SMAP1: variants seen among roughly 807,000 people sequenced by gnomAD.
SMAP1 encodes the protein stromal membrane-associated protein 1.
SMAP1 carries 24 observed loss-of-function variants against 58.5 expected under a neutral mutation model. The ratio of observed to expected loss-of-function variants is 0.41; its 90% CI spans 0.30 to 0.58. The LOEUF (loss-of-function observed/expected upper bound fraction) is 0.58, where lower values mean the gene tolerates loss of function less well. Among genes scored for constraint, SMAP1 ranks in the 20% least tolerant of loss-of-function variants. The probability of loss-of-function intolerance (pLI) is 0.29; values close to 1 mark genes in which losing one functional copy is unlikely to be tolerated. For synonymous variants in SMAP1, 216 were observed against 196.6 expected (o/e 1.10, Z -0.82); for missense variants, 563 against 566.3 (o/e 0.99, Z 0.06).
intron 3 of SMAP1, among the ~76,000 whole-genome samples, chr6:70,759,065 G>C (rs1766639270): frequency 6.6e-6 from 1 of 152,060 alleles, no homozygotes; most frequent in Non-Finnish European, 1.5e-5. Context: ...TGCTGGGTCA[G>C]CTTATGTTTA....
chr6:70,849,420 GTAA>G (rs1463858114), intron 7 of SMAP1, among the ~76,000 whole-genome samples: 2 of 124,748 alleles, frequency 1.6e-5, no homozygotes, highest in Admixed American at 8.6e-5. Flanking sequence ...TTTTAATATA[GTAA>G]TAATAATAAA....
chr6:70,738,531 C>T (rs1765702603), intron 2 of SMAP1, among the ~76,000 whole-genome samples: 1 of 150,300 alleles, frequency 6.7e-6, no homozygotes, highest in African/African-American at 2.4e-5. Context: ...TATGAGCTAA[C>T]TGGGTAGTCT....
At chr6:70,851,825 T>C (rs1377832871) in intron 7 of SMAP1, among the ~76,000 whole-genome samples, 1 of 152,204 alleles carries the variant, frequency 6.6e-6, no homozygotes, top group Non-Finnish European at 1.5e-5. Context: ...CCCTGTACAT[T>C]GCAGTGGCTT....
chr6:70,767,019 CTTG>C (rs1562144586), intron 3 of SMAP1, among the ~76,000 whole-genome samples: 1 of 151,954 alleles, frequency 6.6e-6, no homozygotes, highest in Non-Finnish European at 1.5e-5. Context: ...TTCCCCATTG[CTTG>C]TTTTTCTCAG....
intron 7 of SMAP1, among the ~76,000 whole-genome samples, chr6:70,843,124 G>A (rs1345797001): frequency 2.0e-5 from 3 of 151,600 alleles, no homozygotes; most frequent in Non-Finnish European, 4.4e-5. Context: ...GCTCTTTAGG[G>A]TAGAGAGTAT....
At chr6:70,737,958 A>G (rs1765677572) in intron 2 of SMAP1, among the ~76,000 whole-genome samples, 1 of 152,194 alleles carries the variant, frequency 6.6e-6, no homozygotes, top group African/African-American at 2.4e-5. Context: ...GAAAATTCCA[A>G]CGGTAATATA....
chr6:70,851,115 A>C (rs568736637), intron 7 of SMAP1, among the ~76,000 whole-genome samples: 1 of 152,300 alleles, frequency 6.6e-6, no homozygotes, highest in East Asian at 1.9e-4. Flanking sequence ...TGGTTGTGAT[A>C]ATGTGATATC....
chr6:70,780,177 G>T (rs1433637422), intron 4 of SMAP1, among the ~76,000 whole-genome samples: 2 of 152,200 alleles, frequency 1.3e-5, no homozygotes, highest in Non-Finnish European at 2.9e-5. Flanking sequence ...GGAAATTTTA[G>T]TGGCTGTCAG....
At chr6:70,704,659 C>A (rs542884512) in intron 1 of SMAP1, among the ~76,000 whole-genome samples, 1 of 152,086 alleles carries the variant, frequency 6.6e-6, no homozygotes, top group East Asian at 1.9e-4. Context: ...ATATATTCCA[C>A]AGTTGTATTT....
intron 9 of SMAP1, chr6:70,857,256 G>C (rs2150013805): frequency 2.7e-6 from 1 of 365,364 alleles, no homozygotes; most frequent in African/African-American, 2.1e-5. Context: ...GCTGTTCATA[G>C]ATCACTAAAT....
chr6:70,764,735 G>A (rs1766889653), intron 3 of SMAP1, among the ~76,000 whole-genome samples: 1 of 152,190 alleles, frequency 6.6e-6, no homozygotes, highest in African/African-American at 2.4e-5. Context: ...CAAACATGTT[G>A]TTTCATGCCT....
chr6:70,816,439 A>G (rs374729440), intron 6 of SMAP1, among the ~76,000 whole-genome samples: 1 of 152,158 alleles, frequency 6.6e-6, no homozygotes, highest in Non-Finnish European at 1.5e-5. Flanking sequence ...CTAAGAAGCT[A>G]TGGGAGAGAG....
intron 4 of SMAP1, among the ~76,000 whole-genome samples, chr6:70,781,912 T>A (rs1244757342): frequency 6.6e-6 from 1 of 152,220 alleles, no homozygotes; most frequent in Non-Finnish European, 1.5e-5. Flanking sequence ...GTTACTTTGA[T>A]GGTGGCCTAG....
intron 1 of SMAP1, among the ~76,000 whole-genome samples, chr6:70,675,145 A>G (rs1367190352): frequency 1.3e-4 from 20 of 150,902 alleles, no homozygotes; most frequent in Admixed American, 6.6e-5. Context: ...GAATGTTAAA[A>G]AAAAAAAAAA....
intron 2 of SMAP1, among the ~76,000 whole-genome samples, chr6:70,740,145 T>G (rs1162390288): frequency 6.6e-6 from 1 of 152,240 alleles, no homozygotes; most frequent in Non-Finnish European, 1.5e-5. Context: ...ACCTTGATTC[T>G]TTCTGCTGAT....
At chr6:70,798,596 G>T (rs1461292203) in intron 5 of SMAP1, 61 bp from the exon 6 acceptor site, 25 of 1,267,166 alleles carry the variant, frequency 2.0e-5, no homozygotes, top group Non-Finnish European at 2.5e-5. Flanking sequence ...TAATAAGGAT[G>T]AGTCAAAAAT....
chr6:70,741,209 A>T (rs1013921631), intron 2 of SMAP1, among the ~76,000 whole-genome samples: 2 of 152,138 alleles, frequency 1.3e-5, no homozygotes, highest in Non-Finnish European at 2.9e-5. Context: ...ATTAACTCAA[A>T]AGTCCATAGT....
At position 70,791,750 on chromosome 6, in the gene SMAP1, T is replaced by C. The variant is rs970036243; in HGVS notation, c.476T>C (p.Val159Ala). The change falls in exon 5 of 11, where the codon GTT becomes GCT. Residue 159 changes from valine (V) to alanine (A), a missense_variant. Coordinates refer to ENST00000370455, the MANE Select transcript of SMAP1 (RefSeq NM_001044305.3). ...TCCTCTCCTTCTCTGCAAGCTGCTG[T>C]TGACAAAAATAAATTGGAGGTATGG... ...LVSSPSLQAAVDKNKLEKEKE... is the reference protein window; with the variant it reads ...LVSSPSLQAAADKNKLEKEKE... 1 of 1,613,306 alleles carries C rather than the reference T, an allele frequency of 6.2e-7. No individual in the cohort carries two copies. Among genetic ancestry groups the C allele is most frequent in the African/African-American group, 1.3e-5 (1 of 74,900 alleles).
At chr6:70,855,921 A>G (rs1771400347) in intron 8 of SMAP1, among the ~76,000 whole-genome samples, 1 of 152,256 alleles carries the variant, frequency 6.6e-6, no homozygotes, top group Non-Finnish European at 1.5e-5. Flanking sequence ...TTGCTTAGTC[A>G]TAAGATTCAA....
Sources: allele counts gnomAD v4.1 joint callset (sites outside exome capture counted in the v4.1 genomes callset), GRCh38; gene constraint gnomAD v4.1.1; transcripts MANE v1.5; gene names NCBI Gene and HGNC (gene_info 2026-07-23, HGNC 2026-07-21).